MOB3C: variants seen among roughly 807,000 people sequenced by gnomAD.
The protein encoded by MOB3C is MOB kinase activator 3C.
MOB3C carries 17 observed loss-of-function variants against 19.8 expected under a neutral mutation model. The observed-to-expected ratio is 0.86, with a 90% CI of 0.59 to 1.29. The LOEUF (loss-of-function observed/expected upper bound fraction) is 1.29, where lower values mean the gene tolerates loss of function less well. Ranked by LOEUF, MOB3C falls within the 50% of genes most tolerant of loss-of-function variation. MOB3C has a pLI of 0.00. For synonymous variants in MOB3C, 101 were observed against 119.2 expected (o/e 0.85, Z 0.99); for missense variants, 291 against 301.9 (o/e 0.96, Z 0.27).
rs1235198668 is a variant in MOB3C, at chr1:46,612,959, G to A, written c.363C>T (p.Leu121=). ...TGATGAGGCCTTCGATCCAGTCCATGAGCAATGCCATATAGCGCGGCGCAG... is the reference window on the plus strand; with the variant it reads ...TGATGAGGCCTTCGATCCAGTCCATAAGCAATGCCATATAGCGCGGCGCAG... ...KLSAPRYMAL[L]MDWIEGLIND... is the part of the protein sequence containing the mutation. The change falls in exon 2 of 4, where the codon CTC becomes CTT. Residue 121 remains leucine (L), a synonymous_variant. Transcript: ENST00000319928. The A allele has an allele frequency of 1.1e-5, 17 of 1,597,014 alleles. No homozygotes were observed. The highest frequency in any genetic ancestry group is 1.5e-5 in the Non-Finnish European group (17 of 1,169,192).
rs891421179 is a variant in MOB3C at position 46,611,367 on chromosome 1, G to A, written c.419-1163C>T. 4.6e-5 allele frequency among the ~76,000 whole-genome samples: 7 copies of A among 152,108 alleles called. No individual in the cohort carries two copies. The highest frequency in any genetic ancestry group is 1.0e-4 in the Non-Finnish European group (7 of 68,026). ...GACCCTCTTTGCAGTGCACTGCAGC[G>A]ACCCTCACAGATATTGGGACCCATG... On this transcript the variant is annotated intron_variant, in intron 2 of 3. Coordinates refer to ENST00000319928, the MANE Select transcript of MOB3C (RefSeq NM_201403.3). This position sits in a 1 kb window ranked among gnomAD's most constrained non-coding sequence, Gnocchi z 4.1.
At chr1:46,612,254 C>T (rs2148803458) in intron 2 of MOB3C, among the ~76,000 whole-genome samples, 1 of 152,278 alleles carries the variant, frequency 6.6e-6, no homozygotes, top group South Asian at 2.1e-4. Flanking sequence ...CAACCACCAA[C>T]TCCCTCCTTT....
rs1675406988 is a variant in MOB3C, at chr1:46,608,571, C to T, written c.*1084G>A. 6.5e-6 allele frequency: 1 copy of T among 152,704 alleles called. No homozygotes were observed. The highest frequency in any genetic ancestry group is 6.5e-5 in the Admixed American group (1 of 15,292). The allele number at this position is 152,704 out of a possible 1,614,324, so 9.5% of individuals were successfully genotyped here. On this transcript the variant is annotated 3_prime_UTR_variant, in exon 4 of 4. Transcript: ENST00000319928. The surrounding 1 kb of genome is among the most constrained non-coding windows in gnomAD (Gnocchi z 4.5). Reference sequence around the variant, plus strand: ...AGGTACTTTTAGGATGGAGGATCTCCATGCCTGGAAGAGTCCATTCACCAA... The same window carrying T: ...AGGTACTTTTAGGATGGAGGATCTCTATGCCTGGAAGAGTCCATTCACCAA...
In MOB3C at chr1:46,609,365, G is replaced by A. The variant is rs1675423116; in HGVS notation, c.*290C>T. 1 of 519,628 alleles carries A rather than the reference G, an allele frequency of 1.9e-6. No individual in the cohort carries two copies. Among genetic ancestry groups the A allele is most frequent in the South Asian group, 2.0e-5 (1 of 48,976 alleles). The allele number at this position is 519,628 out of a possible 1,614,324, so 32.2% of individuals were successfully genotyped here. On this transcript the variant is annotated 3_prime_UTR_variant, in exon 4 of 4. Coordinates refer to ENST00000319928, the MANE Select transcript of MOB3C (RefSeq NM_201403.3). ...ATAGGCTTGGGAACCAGCATGGAAGGGTCAAGTGTCATAGAAGAAACCCCC... is the reference window on the plus strand; with the variant it reads ...ATAGGCTTGGGAACCAGCATGGAAGAGTCAAGTGTCATAGAAGAAACCCCC...
chr1:46,609,733 G>A, intron 3 of MOB3C, 49 bp from the exon 4 acceptor site: 1 of 1,609,948 alleles, frequency 6.2e-7, no homozygotes, highest in Non-Finnish European at 8.5e-7. Context: ...CAGCCTACTA[G>A]GCAATCCCTT....
chr1:46,615,225 T>C, intron 1 of MOB3C: 1 of 620,898 alleles, frequency 1.6e-6, no homozygotes, highest in Non-Finnish European at 2.8e-6. Context: ...CAGCACCTTG[T>C]CCTACCTTTC....
chr1:46,615,836 C>T (rs935020520), intron 1 of MOB3C: 2 of 152,652 alleles, frequency 1.3e-5, no homozygotes, highest in Non-Finnish European at 2.9e-5. Context: ...GCTTCCTGTC[C>T]CCAACACACT....
chr1:46,615,383 A>G (rs1253995636), intron 1 of MOB3C: 2 of 359,498 alleles, frequency 5.6e-6, no homozygotes, highest in East Asian at 9.9e-5. Flanking sequence ...CTCCTCCCAC[A>G]GCCTCCTCTC....
rs1219629961 is a variant in MOB3C at position 46,609,689 on chromosome 1, A to G, written c.622-5T>C. On this transcript the variant is annotated splice_region_variant and splice_polypyrimidine_tract_variant and intron_variant, in intron 3 of 3. Coordinates refer to ENST00000319928, the MANE Select transcript of MOB3C (RefSeq NM_201403.3). The stretch of plus-strand genomic sequence containing the variant: ...GATCCGCTCTGTCATCTCCCTCTGT[A>G]GAGACACAAGGTAGGGAGGGGTCAA... 6.2e-7 allele frequency: 1 copy of G among 1,614,158 alleles called. No individual in the cohort carries two copies. The highest frequency in any genetic ancestry group is 1.7e-5 in the Admixed American group (1 of 60,024).
Position 46,612,911 on chromosome 1 carries a change from C to G in MOB3C, c.411G>C (p.Thr137=), listed in dbSNP as rs762270556. The change falls in exon 2 of 4, where the codon ACG becomes ACC. Residue 137 remains threonine, a synonymous_variant. Transcript: ENST00000319928. ...CCGCCAGGTGACACTCACCAACACG[C>G]GTGGGAAAGACCTCTTCGTCGTTGA... ...GLINDEEVFP[T]RVGVPFPKNF... 1.3e-6 allele frequency: 2 copies of G among 1,549,578 alleles called. No homozygotes were observed. The highest frequency in any genetic ancestry group is 1.7e-6 in the Non-Finnish European group (2 of 1,145,562).
At chr1:46,609,708 G>C (rs1478060897) in intron 3 of MOB3C, 24 bp from the exon 4 acceptor site, 10 of 1,613,776 alleles carry the variant, frequency 6.2e-6, no homozygotes, top group Non-Finnish European at 7.6e-6. Context: ...AGGTAGGGAG[G>C]GGTCAATTAG....
At position 46,613,247 on chromosome 1, in the gene MOB3C, T is replaced by G; in HGVS notation, c.75A>C (p.Thr25=). ...FRPRKRFEPG[T]QRFELYKKAQ... is the part of the protein sequence containing the mutation. ...CCTTCTTGTACAGCTCAAAGCGCTGTGTGCCCGGCTCAAAGCGCTTCCGCG... is the reference window on the plus strand; with the variant it reads ...CCTTCTTGTACAGCTCAAAGCGCTGGGTGCCCGGCTCAAAGCGCTTCCGCG... Residue 25 remains threonine, a synonymous_variant, in exon 2 of 4, where the codon ACA becomes ACC. Coordinates refer to ENST00000319928, the MANE Select transcript of MOB3C (RefSeq NM_201403.3). The G allele has an allele frequency of 1.9e-6, 3 of 1,614,052 alleles. No homozygotes were observed. Among genetic ancestry groups the G allele is most frequent in the Non-Finnish European group, 1.7e-6 (2 of 1,180,030 alleles).
chr1:46,612,960 A>T lies in MOB3C; in HGVS notation c.362T>A (p.Leu121His), dbSNP rs1314835828. ...KLSAPRYMALLMDWIEGLIND... is the reference protein window; with the variant it reads ...KLSAPRYMALHMDWIEGLIND... ...GATGAGGCCTTCGATCCAGTCCATG[A>T]GCAATGCCATATAGCGCGGCGCAGA... is the stretch of plus-strand genomic sequence containing the variant. The change falls in exon 2 of 4, where the codon CTC (leucine) becomes CAC (histidine). Residue 121 changes from leucine to histidine, a missense_variant. By Grantham distance (99) the Leu-to-His change is moderately conservative (BLOSUM62 -3). Transcript: ENST00000319928. 2.5e-6 allele frequency: 4 copies of T among 1,597,704 alleles called. No individual in the cohort carries two copies. Among genetic ancestry groups the T allele is most frequent in the Non-Finnish European group, 3.4e-6 (4 of 1,169,632 alleles).
At position 46,613,217 on chromosome 1, in the gene MOB3C, C is replaced by A; in HGVS notation, c.105G>T (p.Gln35His). The A allele has an allele frequency of 1.2e-6, 2 of 1,614,216 alleles. No homozygotes were observed. Among genetic ancestry groups the A allele is most frequent in the Non-Finnish European group, 1.7e-6 (2 of 1,180,032 alleles). The part of the protein sequence containing the change: ...TQRFELYKKA[Q>H]ASLKSGLDLR... ...GGTCCAGGCCCGACTTGAGAGAGGC[C>A]TGTGCCTTCTTGTACAGCTCAAAGC... Residue 35 changes from glutamine to histidine, a missense_variant, in exon 2 of 4, where the codon CAG becomes CAT. By Grantham distance (24) the Gln-to-His change is conservative. Transcript: ENST00000319928.
Position 46,610,009 on chromosome 1 carries a change from T to G in MOB3C, c.614A>C (p.Glu205Ala). 1 of 1,614,232 alleles carries G rather than the reference T, an allele frequency of 6.2e-7. No homozygotes were observed. Among genetic ancestry groups the G allele is most frequent in the Non-Finnish European group, 8.5e-7 (1 of 1,180,048 alleles). Residue 205 changes from glutamate (E) to alanine (A), a missense_variant, in exon 3 of 4, where the codon GAG (glutamate) becomes GCG (alanine). Transcript: ENST00000319928. The part of the protein sequence containing the change: ...EFSLVDQREL[E>A]PLREMTERIC... ...GGTAGGGCTTGGCCTCACCAGTGGC[T>G]CCAGCTCCCGCTGGTCCACCAGACT...
In MOB3C at chr1:46,609,188, G is replaced by A. The variant is rs528810391; in HGVS notation, c.*467C>T. ...TATGGAAGGCCTACTATGTGCCAAG[G>A]AGGGGTAAGGCAGCTAGCTCTCACA... On this transcript the variant is annotated 3_prime_UTR_variant, in exon 4 of 4. Coordinates refer to ENST00000319928, the MANE Select transcript of MOB3C (RefSeq NM_201403.3). 1 of 226,410 alleles carries A rather than the reference G, an allele frequency of 4.4e-6. No individual in the cohort carries two copies. Among genetic ancestry groups the A allele is most frequent in the Non-Finnish European group, 8.9e-6 (1 of 111,838 alleles). The allele number at this position is 226,410 out of a possible 1,614,324, so 14.0% of individuals were successfully genotyped here. A position where few individuals can be genotyped will look rare whatever the true frequency, so the allele number is the denominator to read the frequency against.
chr1:46,610,273 C>A lies in MOB3C; in HGVS notation c.419-69G>T, dbSNP rs530359996. On this transcript the variant is annotated intron_variant, in intron 2 of 3. Transcript: ENST00000319928. ...CAAAGCTCTGCTCAACTTTTCCCTC[C>A]CACACACAGGCAACCAGGATGGCTT... 96 of 1,485,696 alleles carry A rather than the reference C, an allele frequency of 6.5e-5. 1 individual carries two copies. In the South Asian group the frequency reaches 6.7e-4, roughly 10 times the overall value. 92.0% of individuals were successfully genotyped at this position (1,485,696 alleles called of 1,614,324 possible). A position where few individuals can be genotyped will look rare whatever the true frequency, so the allele number is the denominator to read the frequency against.
intron 1 of MOB3C, chr1:46,615,337 A>C (rs1570382702): frequency 1.1e-5 from 5 of 438,340 alleles, no homozygotes; most frequent in Admixed American, 3.7e-5. Flanking sequence ...TTATCCCTCC[A>C]CCTGCCTGAC....
At chr1:46,614,884 G>GA (rs1675534736) in intron 1 of MOB3C, 2 of 1,034,214 alleles carry the variant, frequency 1.9e-6, no homozygotes, top group Admixed American at 4.0e-5. Context: ...GGCAGGCCAG[G>GA]ATGGGGGCAG....
Sources: gnomAD v4.1 joint callset for allele counts (sites outside exome capture counted in the v4.1 genomes callset) on GRCh38, gnomAD v4.1.1 for gene constraint, Gnocchi (gnomAD v3.1) non-coding constraint, MANE v1.5 for transcripts, NCBI Gene and HGNC (gene_info 2026-07-23, HGNC 2026-07-21) for gene names.